The following HS6ST3 variants were observed in gnomAD, a reference collection of about 807,000 sequenced individuals.
HS6ST3 encodes the protein heparan sulfate 6-O-sulfotransferase 3.
HS6ST3 carries 12 observed loss-of-function variants against 36.7 expected under a neutral mutation model. The ratio of observed to expected loss-of-function variants is 0.33; its 90% CI spans 0.21 to 0.53. The LOEUF is 0.53. HS6ST3 is among the 20% of genes least tolerant of loss of function. The pLI is 0.95. For missense variants in HS6ST3, 584 were observed against 640.9 expected, an observed-to-expected ratio of 0.91 and a Z score of 0.96; for synonymous variants, 240 against 257.5, an observed-to-expected ratio of 0.93 and a Z score of 0.65.
At chr13:96,510,619 G>A (rs1392796801) in intron 1 of HS6ST3, among the ~76,000 whole-genome samples, 1 of 152,082 alleles carries the variant, frequency 6.6e-6, no homozygotes, top group Non-Finnish European at 1.5e-5. Context: ...TGGCTTTCTT[G>A]AACACCCAGC....
At chr13:96,278,543 G>GA (rs1420234534) in intron 1 of HS6ST3, among the ~76,000 whole-genome samples, 1 of 152,116 alleles carries the variant, frequency 6.6e-6, no homozygotes, top group Non-Finnish European at 1.5e-5. Context: ...AAATTGAAGA[G>GA]AAAAAATCCA....
At chr13:96,548,585 TATC>T (rs1461209057) in intron 1 of HS6ST3, among the ~76,000 whole-genome samples, 4 of 152,346 alleles carry the variant, frequency 2.6e-5, no homozygotes, top group African/African-American at 9.6e-5. Context: ...TGAATCTATC[TATC>T]TATGTATCTG....
At chr13:96,708,837 C>T (rs1473099808) in intron 1 of HS6ST3, among the ~76,000 whole-genome samples, 1 of 152,130 alleles carries the variant, frequency 6.6e-6, no homozygotes, top group African/African-American at 2.4e-5. Context: ...CATAGATGCT[C>T]TTCAGTTGTT....
rs530258037 is a variant in HS6ST3 at position 96,203,261 on chromosome 13, G to A, written c.707+111692G>A. Among the ~76,000 whole-genome samples the A allele has an allele frequency of 2.8e-4, 43 of 152,318 alleles. No homozygotes were observed. In the South Asian group the frequency reaches 5.8e-3, roughly 21 times the overall value. On this transcript the variant is annotated intron_variant, in intron 1 of 1. Transcript: ENST00000376705. The stretch of plus-strand genomic sequence containing the variant: ...TGGAAAGTTCAGGAAGAAGATACCA[G>A]GTAGATGCAATGTCTGGTGAGGATC...
chr13:96,313,481 C>T (rs1199009681), intron 1 of HS6ST3, among the ~76,000 whole-genome samples: 1 of 152,004 alleles, frequency 6.6e-6, no homozygotes, highest in Non-Finnish European at 1.5e-5. Flanking sequence ...ATTTATGCCT[C>T]GATTTAGCAC....
chr13:96,692,193 C>T (rs1874982274), intron 1 of HS6ST3, among the ~76,000 whole-genome samples: 1 of 152,028 alleles, frequency 6.6e-6, no homozygotes, highest in Admixed American at 6.6e-5. Flanking sequence ...TGACATAGTA[C>T]AGTTTCCCAT....
At chr13:96,206,677 T>C (rs2054372067) in intron 1 of HS6ST3, among the ~76,000 whole-genome samples, 1 of 152,200 alleles carries the variant, frequency 6.6e-6, no homozygotes, top group South Asian at 2.1e-4. Flanking sequence ...CATCTGATCT[T>C]CAGCAAATCT....
intron 1 of HS6ST3, among the ~76,000 whole-genome samples, chr13:96,502,990 C>T (rs2056011442): frequency 6.6e-6 from 1 of 152,160 alleles, no homozygotes; most frequent in Non-Finnish European, 1.5e-5. Context: ...TTAACTACAA[C>T]TGGAGTGTAA....
At chr13:96,168,843 G>A (rs987387725) in intron 1 of HS6ST3, among the ~76,000 whole-genome samples, 10 of 152,082 alleles carry the variant, frequency 6.6e-5, no homozygotes, top group African/African-American at 2.4e-4. Flanking sequence ...GTAATGGTGA[G>A]GTTTGGGCTT....
chr13:96,114,524 T>C (rs1443461420), intron 1 of HS6ST3, among the ~76,000 whole-genome samples: 1 of 152,196 alleles, frequency 6.6e-6, no homozygotes, highest in African/African-American at 2.4e-5. Context: ...CCAGTTCTGC[T>C]ACTTACCAGC....
intron 1 of HS6ST3, among the ~76,000 whole-genome samples, chr13:96,399,485 T>A (rs977369278): frequency 5.3e-5 from 8 of 152,274 alleles, no homozygotes; most frequent in African/African-American, 1.9e-4. Context: ...TTTTGGAATC[T>A]TTACTGAGAT....
chr13:96,475,626 AAAAAG>A (rs1445833515), intron 1 of HS6ST3, among the ~76,000 whole-genome samples: 2 of 151,862 alleles, frequency 1.3e-5, no homozygotes, highest in African/African-American at 2.4e-5. Context: ...AAAAAAAAAA[AAAAAG>A]AAAAGAAAGA....
intron 1 of HS6ST3, among the ~76,000 whole-genome samples, chr13:96,152,654 A>G (rs1157936972): frequency 1.3e-5 from 2 of 151,806 alleles, no homozygotes; most frequent in African/African-American, 2.4e-5. Flanking sequence ...TTTTAATACT[A>G]TCAGCAGTCT....
intron 1 of HS6ST3, among the ~76,000 whole-genome samples, chr13:96,654,508 C>T (rs575948375): frequency 6.6e-6 from 1 of 152,202 alleles, no homozygotes; most frequent in Admixed American, 6.5e-5. Context: ...TGTCAAAGCT[C>T]AGAAGGTTAT....
At chr13:96,790,795 G>GAT (rs1481795947) in intron 1 of HS6ST3, among the ~76,000 whole-genome samples, 1 of 152,062 alleles carries the variant, frequency 6.6e-6, no homozygotes, top group Admixed American at 6.6e-5. Flanking sequence ...CTTCACAGGT[G>GAT]ATTCTAAGAT....
intron 1 of HS6ST3, among the ~76,000 whole-genome samples, chr13:96,788,527 T>TATG (rs1217576341): frequency 2.6e-5 from 4 of 151,908 alleles, no homozygotes; most frequent in Non-Finnish European, 4.4e-5. Flanking sequence ...TGCAACTCTT[T>TATG]ATGGAGTGTT....
chr13:96,160,720 G>A (rs2054131788), intron 1 of HS6ST3, among the ~76,000 whole-genome samples: 2 of 152,194 alleles, frequency 1.3e-5, no homozygotes, highest in Admixed American at 1.3e-4. Context: ...TGGTGTTTAA[G>A]CATTTATTTA....
At chr13:96,706,413 T>TTTTTTATATATATATATATATATATA (rs5805987) in intron 1 of HS6ST3, among the ~76,000 whole-genome samples, 1 of 121,058 alleles carries the variant, frequency 8.3e-6, no homozygotes, top group African/African-American at 3.5e-5. Context: ...AGAATATATT[T>TTTTTTATATATATATATATATATATA]TATATATATA....
chr13:96,512,833 G>T (rs1260175436), intron 1 of HS6ST3, among the ~76,000 whole-genome samples: 1 of 151,646 alleles, frequency 6.6e-6, no homozygotes, highest in Non-Finnish European at 1.5e-5. Context: ...AAATAATAAA[G>T]GTTGTTTTTT....
Sources: gnomAD v4.1 joint callset for allele counts (sites outside exome capture counted in the v4.1 genomes callset) on GRCh38, gnomAD v4.1.1 for gene constraint, MANE v1.5 for transcripts, NCBI Gene and HGNC (gene_info 2026-07-23, HGNC 2026-07-21) for gene names.